PPARG: variants seen among roughly 807,000 people sequenced by gnomAD.
The protein encoded by PPARG is peroxisome proliferator-activated receptor gamma.
Under a neutral mutation model 39.2 loss-of-function variants are expected in PPARG, and 17 were observed. That is an observed-to-expected ratio of 0.43 (90% CI 0.30 to 0.65). PPARG has a LOEUF of 0.65. Ranked by LOEUF, PPARG falls within the 30% of genes least tolerant of loss-of-function variation. PPARG has a pLI of 0.13. For missense variants in PPARG, 406 were observed against 585.9 expected, an observed-to-expected ratio of 0.69 and a Z score of 3.17; for synonymous variants, 223 against 215.7, an observed-to-expected ratio of 1.03 and a Z score of -0.30.
chr3:12,369,795 A>G (rs1053991281), intron 2 of PPARG, among the ~76,000 whole-genome samples: 5 of 152,100 alleles, frequency 3.3e-5, no homozygotes, highest in African/African-American at 9.7e-5. Flanking sequence ...AATTTTTGTC[A>G]CTTAGTCATT....
chr3:12,429,516 A>G (rs1018977244), intron 7 of PPARG, among the ~76,000 whole-genome samples: 2 of 149,538 alleles, frequency 1.3e-5, no homozygotes, highest in South Asian at 4.3e-4. Flanking sequence ...CCAGCATTCA[A>G]GAGCAGCCTG....
chr3:12,434,226 T>C lies in PPARG; in HGVS notation c.*81T>C. The C allele has an allele frequency of 6.4e-7, 1 of 1,571,434 alleles. No homozygotes were observed. Among genetic ancestry groups the C allele is most frequent in the Non-Finnish European group, 8.7e-7 (1 of 1,147,886 alleles). ...GGGAAAATCTGACACCTAAGAAATTTACTGTGAAAAAGCATTTTAAAAAGA... is the reference window on the plus strand; with the variant it reads ...GGGAAAATCTGACACCTAAGAAATTCACTGTGAAAAAGCATTTTAAAAAGA... On this transcript the variant is annotated 3_prime_UTR_variant, in exon 8 of 8. Coordinates refer to ENST00000651735, the MANE Select transcript of PPARG (RefSeq NM_138711.6). This position sits in a 1 kb window ranked among gnomAD's most constrained non-coding sequence, Gnocchi z 4.2.
chr3:12,350,455 A>G (rs2125091109), intron 2 of PPARG, among the ~76,000 whole-genome samples: 1 of 152,310 alleles, frequency 6.6e-6, no homozygotes, highest in South Asian at 2.1e-4. Context: ...TCAGAATATC[A>G]CGATAAGTAT....
chr3:12,417,177 C>T, intron 7 of PPARG, 23 bp downstream of exon 7: 1 of 1,608,540 alleles, frequency 6.2e-7, no homozygotes, highest in Non-Finnish European at 8.5e-7. Context: ...TTTTGATCTT[C>T]TATGAAAGAG....
At chr3:12,334,849 C>T (rs977671277) in intron 2 of PPARG, among the ~76,000 whole-genome samples, 1 of 152,154 alleles carries the variant, frequency 6.6e-6, no homozygotes, top group South Asian at 2.1e-4. Context: ...TAGGTCAATA[C>T]ATTTTAACAT....
Position 12,406,107 on chromosome 3 carries a change from T to TG in PPARG, c.729+31dup, listed in dbSNP as rs769209078. ...GTTAGTTCTCTTCTGCTGTCTTCAT[T>TG]GGGGGAGGCGGGAAGTTGTTTTGGG... On this transcript the variant is annotated intron_variant, in intron 6 of 7. Transcript: ENST00000651735. 147 of 1,610,742 alleles carry TG rather than the reference T, an allele frequency of 9.1e-5. 2 individuals are homozygous for TG. In the Middle Eastern group the frequency reaches 6.4e-3, roughly 71 times the overall value.
chr3:12,425,694 A>G (rs1038725185), intron 7 of PPARG, among the ~76,000 whole-genome samples: 7 of 152,086 alleles, frequency 4.6e-5, no homozygotes, highest in African/African-American at 1.7e-4. Context: ...GCAGAAATGT[A>G]CGTACATCAC....
chr3:12,418,468 A>G (rs1342454070), intron 7 of PPARG, among the ~76,000 whole-genome samples: 1 of 152,246 alleles, frequency 6.6e-6, no homozygotes, highest in Non-Finnish European at 1.5e-5. Flanking sequence ...ACAATGTATT[A>G]TAAAGAGCAC....
chr3:12,288,546 GGAAGC>G (rs1481587051), upstream of PPARG, among the ~76,000 whole-genome samples: 2 of 152,024 alleles, frequency 1.3e-5, no homozygotes, highest in Admixed American at 1.3e-4. Flanking sequence ...CTGGACCCGG[GGAAGC>G]GAAGATCCGC....
rs145161478 is a variant in PPARG, at chr3:12,351,634, C to T, written c.-8-28070C>T. ...GAGATTCTCCTATTGACCCAGAAAG[C>T]GATTCCTTCACTGATACACTGTCTG... On this transcript the variant is annotated intron_variant, in intron 2 of 7. Transcript: ENST00000651735. 5 of 1,611,668 alleles carry T rather than the reference C, an allele frequency of 3.1e-6. No homozygotes were observed. The highest frequency in any genetic ancestry group is 2.7e-5 in the African/African-American group (2 of 74,858).
At chr3:12,333,144 A>AAAAC (rs145389985) in intron 2 of PPARG, among the ~76,000 whole-genome samples, 5,824 of 152,232 alleles carry the variant, frequency 0.038, 274 homozygotes, top group East Asian at 0.28. Context: ...GGGCCTTGTA[A>AAAAC]AAACAAACAA....
At chr3:12,430,358 C>T (rs1559539065) in intron 7 of PPARG, among the ~76,000 whole-genome samples, 1 of 152,180 alleles carries the variant, frequency 6.6e-6, no homozygotes, top group East Asian at 1.9e-4. Flanking sequence ...TAGTCTCTGC[C>T]CTCTGATACC....
chr3:12,314,278 A>AAATT lies in PPARG; in HGVS notation c.-9+1850_-9+1853dup, dbSNP rs17425935. 6.8e-4 allele frequency among the ~76,000 whole-genome samples: 103 copies of AAATT among 151,592 alleles called. 1 individual carries two copies. Among genetic ancestry groups the AAATT allele is most frequent in the Non-Finnish European group, 1.0e-3 (69 of 67,870 alleles). On this transcript the variant is annotated intron_variant, in intron 2 of 7. Coordinates refer to ENST00000651735, the MANE Select transcript of PPARG (RefSeq NM_138711.6). ...AGCAACAGCAAGACTCCCTCTCAAA[A>AAATT]AATTAATTAATTAATTAATTAATTA...
At chr3:12,381,592 TC>T in intron 4 of PPARG, 101 bp downstream of exon 4, 1 of 1,263,654 alleles carries the variant, frequency 7.9e-7, no homozygotes, top group Non-Finnish European at 1.1e-6. Context: ...TTTTTTTTCT[TC>T]ATGGAAGAGT....
intron 5 of PPARG, among the ~76,000 whole-genome samples, chr3:12,402,219 A>C (rs2050500965): frequency 6.6e-6 from 1 of 152,210 alleles, no homozygotes; most frequent in Admixed American, 6.5e-5. Context: ...TGGTCTGTGA[A>C]ATAACAAAAG....
At chr3:12,355,907 G>A (rs925432086) in intron 2 of PPARG, among the ~76,000 whole-genome samples, 2 of 152,110 alleles carry the variant, frequency 1.3e-5, no homozygotes, top group Admixed American at 1.3e-4. Flanking sequence ...TACTATTTTT[G>A]TCAGCATTCT....
chr3:12,370,107 T>C (rs2049155967), intron 2 of PPARG, among the ~76,000 whole-genome samples: 2 of 152,212 alleles, frequency 1.3e-5, no homozygotes, highest in Admixed American at 6.5e-5. Context: ...CTTTTCTGGA[T>C]GCCTTATCAT....
At chr3:12,430,558 G>T (rs2051625634) in intron 7 of PPARG, among the ~76,000 whole-genome samples, 1 of 152,326 alleles carries the variant, frequency 6.6e-6, no homozygotes, top group South Asian at 2.1e-4. Context: ...TGTAAAGTAT[G>T]ACCTCATGGG....
In PPARG at chr3:12,325,223, C is replaced by T. The variant is rs2047658361; in HGVS notation, c.-9+12770C>T. On this transcript the variant is annotated intron_variant, in intron 2 of 7. Coordinates refer to ENST00000651735, the MANE Select transcript of PPARG (RefSeq NM_138711.6). ...ATCGCCTGAGGTCAGGAGTTCAAGACCAGCCTGGCCAACATGGTAAAACCC... is the reference window on the plus strand; with the variant it reads ...ATCGCCTGAGGTCAGGAGTTCAAGATCAGCCTGGCCAACATGGTAAAACCC... Among the ~76,000 whole-genome samples the T allele has an allele frequency of 5.9e-5, 9 of 152,184 alleles. No individual in the cohort carries two copies. In the South Asian group the frequency reaches 1.9e-3, roughly 32 times the overall value.
Sources: allele counts gnomAD v4.1 joint callset (sites outside exome capture counted in the v4.1 genomes callset), GRCh38; gene constraint gnomAD v4.1.1; non-coding constraint Gnocchi (gnomAD v3.1); transcripts MANE v1.5; gene names NCBI Gene and HGNC (gene_info 2026-07-23, HGNC 2026-07-21).